The following PLAG1 variants were observed in gnomAD, a reference collection of about 807,000 sequenced individuals.
PLAG1 encodes zinc finger protein PLAG1.
In PLAG1, 7 loss-of-function variants were observed where a neutral mutation model predicts 35.5. That is an observed-to-expected ratio of 0.20 (90% confidence interval 0.11 to 0.37). The LOEUF is 0.37. PLAG1 is among the 10% of genes least tolerant of loss of function. The pLI is 1.00. For synonymous variants in PLAG1, 229 were observed against 225.4 expected (o/e 1.02, Z -0.14); for missense variants, 454 against 602.8 (o/e 0.75, Z 2.58).
At chr8:56,175,366 C>A (rs1811653846) in intron 2 of PLAG1, among the ~76,000 whole-genome samples, 2 of 152,162 alleles carry the variant, frequency 1.3e-5, no homozygotes, top group African/African-American at 2.4e-5. Flanking sequence ...TCAGTTGGGG[C>A]TGCTGGTCCC....
intron 2 of PLAG1, among the ~76,000 whole-genome samples, chr8:56,178,647 G>C (rs1811777705): frequency 6.6e-6 from 1 of 152,056 alleles, no homozygotes; most frequent in African/African-American, 2.4e-5. Context: ...TCTGCCATCA[G>C]TGAAGAGTTC....
In PLAG1 at chr8:56,161,007, T is replaced by G. The variant is rs901666844; in HGVS notation, c.*5236A>C. The G allele has an allele frequency of 5.5e-6, 1 of 180,772 alleles. No individual in the cohort carries two copies. The highest frequency in any genetic ancestry group is 1.2e-5 in the Non-Finnish European group (1 of 84,436). 11.2% of individuals were successfully genotyped at this position (180,772 alleles called of 1,614,324 possible). A position where few individuals can be genotyped will look rare whatever the true frequency, so the allele number is the denominator to read the frequency against. ...TGTAGGCCACAAGAAGCTGCAGTAC[T>G]ATTATTTAATTAGCAGCAAATTAAT... On this transcript the variant is annotated 3_prime_UTR_variant, in exon 5 of 5. Coordinates refer to ENST00000316981, the MANE Select transcript of PLAG1 (RefSeq NM_002655.3).
chr8:56,163,363 A>AG lies in PLAG1; in HGVS notation c.*2879dup. 5.1e-6 allele frequency: 1 copy of AG among 195,682 alleles called. No homozygotes were observed. 12.1% of individuals were successfully genotyped at this position (195,682 alleles called of 1,614,324 possible). ...ACATAGAAACAAACAATCTTTTTCT[A>AG]GGGAAAAAAAAGCCAATTCTGTGTT... is the stretch of plus-strand genomic sequence containing the variant. On this transcript the variant is annotated 3_prime_UTR_variant, in exon 5 of 5. Transcript: ENST00000316981.
At chr8:56,174,061 T>A (rs887866149) in intron 2 of PLAG1, among the ~76,000 whole-genome samples, 2 of 152,232 alleles carry the variant, frequency 1.3e-5, no homozygotes, top group African/African-American at 4.8e-5. Flanking sequence ...TCAATAATTA[T>A]TTCATATTTA....
intron 1 of PLAG1, among the ~76,000 whole-genome samples, chr8:56,208,493 A>G (rs559361831): frequency 6.6e-6 from 1 of 152,352 alleles, no homozygotes; most frequent in African/African-American, 2.4e-5. Flanking sequence ...AAGTTGGAAG[A>G]ACTCAGTTGT....
chr8:56,192,609 A>G (rs1390957695), intron 1 of PLAG1, among the ~76,000 whole-genome samples: 3 of 152,340 alleles, frequency 2.0e-5, no homozygotes, highest in Non-Finnish European at 4.4e-5. Context: ...TTTTTAATGC[A>G]TTTTTTAAAA....
At chr8:56,208,922 C>G (rs1812773977) in intron 1 of PLAG1, among the ~76,000 whole-genome samples, 1 of 152,196 alleles carries the variant, frequency 6.6e-6, no homozygotes, top group Admixed American at 6.5e-5. Context: ...AAAGTTACAA[C>G]CCATGCATAG....
At position 56,166,992 on chromosome 8, in the gene PLAG1, C is replaced by A; in HGVS notation, c.754G>T (p.Asp252Tyr). The change falls in exon 5 of 5, where the codon GAC becomes TAC. Residue 252 changes from aspartate to tyrosine, a missense_variant. Around this residue, in one of 4 missense-constraint regions of PLAG1, gnomAD observed 271 missense variants for 315.6 expected, o/e 0.86. Transcript: ENST00000316981. ...KVKTEPVDFL[D>Y]PFTCNVSVPI... ...ACAGACACATTGCAGGTAAATGGGTCAAGGAAATCCACTGGTTCTGTTTTG... is the reference window on the plus strand; with the variant it reads ...ACAGACACATTGCAGGTAAATGGGTAAAGGAAATCCACTGGTTCTGTTTTG... 6.2e-7 allele frequency: 1 copy of A among 1,614,120 alleles called. No homozygotes were observed. The highest frequency in any genetic ancestry group is 1.1e-5 in the South Asian group (1 of 91,068).
At chr8:56,178,700 T>G (rs1027318193) in intron 2 of PLAG1, among the ~76,000 whole-genome samples, 41 of 152,076 alleles carry the variant, frequency 2.7e-4, no homozygotes, top group Admixed American at 2.7e-3. Flanking sequence ...CCATTGTTTT[T>G]TTTTCCAGTC....
chr8:56,193,556 AC>A (rs765345615), intron 1 of PLAG1, among the ~76,000 whole-genome samples: 19 of 152,226 alleles, frequency 1.2e-4, no homozygotes, highest in Non-Finnish European at 2.5e-4. Context: ...TGTACCCTTG[AC>A]CCTGCTACAA....
intron 1 of PLAG1, among the ~76,000 whole-genome samples, chr8:56,204,371 T>C (rs1812641238): frequency 6.6e-6 from 1 of 151,916 alleles, no homozygotes; most frequent in Admixed American, 6.6e-5. Flanking sequence ...ACCGGTGTTA[T>C]TTTGAAACTG....
chr8:56,193,292 G>C (rs1007837981), intron 1 of PLAG1, among the ~76,000 whole-genome samples: 8 of 152,188 alleles, frequency 5.3e-5, no homozygotes, highest in African/African-American at 1.7e-4. Flanking sequence ...CTTGAAACTG[G>C]CGATGGGTGT....
At chr8:56,190,995 C>A (rs555446129) in intron 1 of PLAG1, among the ~76,000 whole-genome samples, 1 of 152,034 alleles carries the variant, frequency 6.6e-6, no homozygotes. Flanking sequence ...GCTGGAGGAA[C>A]GTGGGAGCCC....
chr8:56,201,172 G>A (rs1812537700), intron 1 of PLAG1, among the ~76,000 whole-genome samples: 1 of 152,116 alleles, frequency 6.6e-6, no homozygotes. Context: ...TAACTCTCCT[G>A]GGTGGGAAGA....
chr8:56,189,972 A>C (rs563344861), intron 1 of PLAG1, among the ~76,000 whole-genome samples: 1 of 152,166 alleles, frequency 6.6e-6, no homozygotes, highest in East Asian at 1.9e-4. Flanking sequence ...AACAAGTGTA[A>C]CTGGAGATGG....
chr8:56,177,396 C>T (rs140864755), intron 2 of PLAG1, among the ~76,000 whole-genome samples: 38 of 152,208 alleles, frequency 2.5e-4, no homozygotes, highest in African/African-American at 7.7e-4. Context: ...CAAGGGTAGC[C>T]GCTCTCTCCT....
intron 1 of PLAG1, among the ~76,000 whole-genome samples, chr8:56,182,154 T>C (rs1313793236): frequency 6.6e-6 from 1 of 152,170 alleles, no homozygotes; most frequent in African/African-American, 2.4e-5. Flanking sequence ...CAGCAAATGC[T>C]TGGGGAGGTA....
chr8:56,164,156 A>G lies in PLAG1; in HGVS notation c.*2087T>C, dbSNP rs1811285881. The stretch of plus-strand genomic sequence containing the variant: ...ACATATATAATTTTAATGCCTTTGG[A>G]ACACACTTTTTTAATAAATGTAATT... On this transcript the variant is annotated 3_prime_UTR_variant, in exon 5 of 5. Coordinates refer to ENST00000316981, the MANE Select transcript of PLAG1 (RefSeq NM_002655.3). 5.3e-6 allele frequency: 1 copy of G among 188,418 alleles called. No individual in the cohort carries two copies. The highest frequency in any genetic ancestry group is 6.2e-5 in the Admixed American group (1 of 16,156). 11.7% of individuals were successfully genotyped at this position (188,418 alleles called of 1,614,324 possible). A position where few individuals can be genotyped will look rare whatever the true frequency, so the allele number is the denominator to read the frequency against.
intron 1 of PLAG1, among the ~76,000 whole-genome samples, chr8:56,187,220 G>A (rs775126945): frequency 1.3e-5 from 2 of 152,120 alleles, no homozygotes; most frequent in Admixed American, 6.5e-5. Context: ...TCCCTACTGC[G>A]ATACACAGAT....
Sources: gnomAD v4.1 joint callset for allele counts (sites outside exome capture counted in the v4.1 genomes callset) on GRCh38, gnomAD v4.1.1 for gene constraint, gnomAD v4.1.1 regional missense constraint, MANE v1.5 for transcripts, NCBI Gene and HGNC (gene_info 2026-07-23, HGNC 2026-07-21) for gene names.